The following ADARB2 variants were observed in gnomAD, a reference collection of about 807,000 sequenced individuals.
ADARB2 encodes inactive double-stranded RNA-specific editase B2.
In ADARB2, 25 loss-of-function variants were observed where a neutral mutation model predicts 62.2. That is an observed-to-expected ratio of 0.40 (90% confidence interval 0.29 to 0.56). The LOEUF is 0.56. ADARB2 is among the 20% of genes least tolerant of loss of function. ADARB2 has a pLI of 0.43. For missense variants in ADARB2, 1,071 were observed against 1,077.4 expected (o/e 0.99, Z 0.08); for synonymous variants, 572 against 500.8 (o/e 1.14, Z -1.90).
chr10:1,514,178 A>ATATATATATATATATATATATAT (rs1831976214), intron 1 of ADARB2, among the ~76,000 whole-genome samples: 1 of 94,158 alleles, frequency 1.1e-5, no homozygotes, highest in African/African-American at 3.4e-5. Context: ...GCTGTCTCAA[A>ATATATATATATATATATATATAT]ATATATATAT....
At chr10:1,312,723 C>T (rs1010643262) in intron 3 of ADARB2, among the ~76,000 whole-genome samples, 1 of 152,176 alleles carries the variant, frequency 6.6e-6, no homozygotes, top group Non-Finnish European at 1.5e-5. Flanking sequence ...CAGGTGGGAA[C>T]CAGGGTCCAA....
chr10:1,703,287 C>T (rs1834846688), intron 1 of ADARB2, among the ~76,000 whole-genome samples: 1 of 152,044 alleles, frequency 6.6e-6, no homozygotes, highest in Non-Finnish European at 1.5e-5. Context: ...CAGGGAACAC[C>T]TGATGAGGAG....
At chr10:1,199,651 A>C in intron 8 of ADARB2, 1 of 288,446 alleles carries the variant, frequency 3.5e-6, no homozygotes, top group Non-Finnish European at 6.4e-6. Context: ...GTGGGCGGCC[A>C]GGTGGGCAGG....
chr10:1,233,646 G>C (rs745549805), intron 6 of ADARB2, 48 bp downstream of exon 6: 5 of 1,557,792 alleles, frequency 3.2e-6, no homozygotes, highest in Non-Finnish European at 4.4e-6. Context: ...CCAGATAGAG[G>C]GAGCTGGGGG....
chr10:1,455,047 G>A (rs1009458924), intron 1 of ADARB2, among the ~76,000 whole-genome samples: 6 of 152,218 alleles, frequency 3.9e-5, no homozygotes, highest in African/African-American at 1.2e-4. Flanking sequence ...ACTCCTTTAG[G>A]GCTTTTCCCC....
At chr10:1,320,807 C>T (rs1589191325) in intron 3 of ADARB2, among the ~76,000 whole-genome samples, 3 of 152,198 alleles carry the variant, frequency 2.0e-5, no homozygotes, top group African/African-American at 7.2e-5. Context: ...ATACAATGGG[C>T]CGGCAGGCAA....
At chr10:1,245,983 A>T (rs536819271) in intron 4 of ADARB2, among the ~76,000 whole-genome samples, 8 of 151,602 alleles carry the variant, frequency 5.3e-5, no homozygotes, top group Admixed American at 3.9e-4. Context: ...ATTTCTCCAC[A>T]TCCTCTCCAG....
intron 1 of ADARB2, among the ~76,000 whole-genome samples, chr10:1,537,625 T>C (rs1367007178): frequency 6.6e-6 from 1 of 152,196 alleles, no homozygotes; most frequent in Non-Finnish European, 1.5e-5. Context: ...TGGAATACTA[T>C]GCAGCCATAA....
intron 1 of ADARB2, among the ~76,000 whole-genome samples, chr10:1,502,589 C>G (rs1192719367): frequency 6.6e-6 from 1 of 152,244 alleles, no homozygotes; most frequent in African/African-American, 2.4e-5. Flanking sequence ...AATAAAGGAA[C>G]TGTCACCCGC....
At chr10:1,342,982 A>C (rs1041915879) in intron 3 of ADARB2, among the ~76,000 whole-genome samples, 1 of 152,246 alleles carries the variant, frequency 6.6e-6, no homozygotes, top group South Asian at 2.1e-4. Context: ...GTATGATAAA[A>C]AATGCTTTTG....
At chr10:1,678,068 C>T (rs980312666) in intron 1 of ADARB2, 5 of 674,774 alleles carry the variant, frequency 7.4e-6, no homozygotes, top group Non-Finnish European at 9.2e-6. Context: ...TGGAACTACA[C>T]CACAGGCCTA....
At chr10:1,410,558 A>G (rs1832750931) in intron 1 of ADARB2, among the ~76,000 whole-genome samples, 1 of 152,230 alleles carries the variant, frequency 6.6e-6, no homozygotes, top group Admixed American at 6.5e-5. Context: ...CCTATTCAGC[A>G]GAAAATGGCT....
At chr10:1,675,745 C>G (rs1233858682) in intron 1 of ADARB2, among the ~76,000 whole-genome samples, 2 of 152,000 alleles carry the variant, frequency 1.3e-5, no homozygotes, top group East Asian at 3.9e-4. Flanking sequence ...GCCTGGAGAC[C>G]TAGGGCTAGT....
At chr10:1,310,365 G>A (rs1338496735) in intron 3 of ADARB2, among the ~76,000 whole-genome samples, 2 of 149,822 alleles carry the variant, frequency 1.3e-5, no homozygotes, top group Non-Finnish European at 2.9e-5. Flanking sequence ...GAATCAATGA[G>A]AAAAACTTCA....
chr10:1,527,630 T>C (rs920995592), intron 1 of ADARB2, among the ~76,000 whole-genome samples: 2 of 152,220 alleles, frequency 1.3e-5, no homozygotes, highest in Non-Finnish European at 2.9e-5. Context: ...AACAGGATGA[T>C]ATACATAACA....
intron 1 of ADARB2, among the ~76,000 whole-genome samples, chr10:1,435,450 C>G (rs891569122): frequency 5.9e-5 from 9 of 152,132 alleles, no homozygotes; most frequent in Admixed American, 5.9e-4. Context: ...GAGGGCAGAG[C>G]CTTTGCTGCC....
At chr10:1,597,178 A>C (rs955491801) in intron 1 of ADARB2, among the ~76,000 whole-genome samples, 1 of 152,190 alleles carries the variant, frequency 6.6e-6, no homozygotes, top group African/African-American at 2.4e-5. Flanking sequence ...CAGTAATGAA[A>C]TGAAAATAAA....
intron 1 of ADARB2, among the ~76,000 whole-genome samples, chr10:1,611,823 A>C (rs747703918): frequency 1.9e-4 from 29 of 152,156 alleles, no homozygotes; most frequent in Non-Finnish European, 3.7e-4. Flanking sequence ...CTTCTGAAGG[A>C]AACTCTTGCA....
chr10:1,452,533 C>G (rs1831052039), intron 1 of ADARB2, among the ~76,000 whole-genome samples: 1 of 150,746 alleles, frequency 6.6e-6, no homozygotes, highest in South Asian at 2.1e-4. Flanking sequence ...TTTCAGCAAA[C>G]TAACACAAGA....
Sources: allele counts gnomAD v4.1 joint callset (sites outside exome capture counted in the v4.1 genomes callset), GRCh38; gene constraint gnomAD v4.1.1; transcripts MANE v1.5; gene names NCBI Gene and HGNC (gene_info 2026-07-23, HGNC 2026-07-21).